COL23A1: variants seen among roughly 807,000 people sequenced by gnomAD.
COL23A1 encodes the protein collagen type XXIII alpha 1 chain.
In COL23A1, 97 loss-of-function variants were observed where a neutral mutation model predicts 99.3. The observed-to-expected ratio is 0.98, with a 90% CI of 0.83 to 1.16. The LOEUF (loss-of-function observed/expected upper bound fraction) is 1.16. COL23A1 is among the 50% of genes most tolerant of loss of function. The pLI is 0.00. For missense variants in COL23A1, 762 were observed against 757.4 expected (o/e 1.01, Z -0.07); for synonymous variants, 320 against 308.2 (o/e 1.04, Z -0.40).
At chr5:178,449,624 G>A (rs909554916) in intron 2 of COL23A1, among the ~76,000 whole-genome samples, 12 of 150,582 alleles carry the variant, frequency 8.0e-5, no homozygotes, top group African/African-American at 1.5e-4. Flanking sequence ...GAACTGTCCC[G>A]GACTAAACAC....
chr5:178,413,060 G>T (rs568183753), intron 2 of COL23A1, among the ~76,000 whole-genome samples: 1 of 151,876 alleles, frequency 6.6e-6, no homozygotes, highest in African/African-American at 2.4e-5. Flanking sequence ...GTGTCTGCCT[G>T]TAGTCTCAGC....
At chr5:178,269,830 T>C (rs2127563158) in intron 6 of COL23A1, among the ~76,000 whole-genome samples, 1 of 152,036 alleles carries the variant, frequency 6.6e-6, no homozygotes, top group Middle Eastern at 3.4e-3. Flanking sequence ...CATCTATATA[T>C]CTACCGACTC....
chr5:178,326,725 A>G (rs886074020), intron 2 of COL23A1, among the ~76,000 whole-genome samples: 4 of 151,744 alleles, frequency 2.6e-5, no homozygotes, highest in African/African-American at 7.3e-5. Flanking sequence ...CTTTTTGTTT[A>G]TTTATTGTTT....
chr5:178,357,347 C>A (rs961073986), intron 2 of COL23A1, among the ~76,000 whole-genome samples: 1 of 152,190 alleles, frequency 6.6e-6, no homozygotes, highest in African/African-American at 2.4e-5. Flanking sequence ...AGTGCCTCTG[C>A]CCCCTGGGGT....
At chr5:178,498,281 T>G (rs1346493250) in intron 2 of COL23A1, among the ~76,000 whole-genome samples, 1 of 104,422 alleles carries the variant, frequency 9.6e-6, no homozygotes, top group African/African-American at 3.3e-5. Flanking sequence ...AATAAAAAAA[T>G]AAAAATAAAA....
chr5:178,392,632 G>A (rs1369892082), intron 2 of COL23A1, among the ~76,000 whole-genome samples: 5 of 152,260 alleles, frequency 3.3e-5, no homozygotes, highest in Admixed American at 1.3e-4. Flanking sequence ...AGGGTCCAGC[G>A]GACAATGGTC....
chr5:178,548,944 C>T (rs2113448043), intron 2 of COL23A1, among the ~76,000 whole-genome samples: 1 of 152,278 alleles, frequency 6.6e-6, no homozygotes, highest in East Asian at 1.9e-4. Flanking sequence ...TGCAGTGCTC[C>T]ATTGTAGAAA....
intron 2 of COL23A1, among the ~76,000 whole-genome samples, chr5:178,514,802 A>G (rs1219798556): frequency 2.0e-5 from 3 of 152,222 alleles, no homozygotes; most frequent in Non-Finnish European, 2.9e-5. Context: ...CAGGCTCAGA[A>G]TCCCAATTCT....
chr5:178,310,214 T>C lies in COL23A1; in HGVS notation c.362-3295A>G, dbSNP rs936041890. Among the ~76,000 whole-genome samples the C allele has an allele frequency of 7.9e-5, 12 of 152,238 alleles. No homozygotes were observed. The Middle Eastern group carries it at 0.01, about 129-fold the overall frequency. On this transcript the variant is annotated intron_variant, in intron 2 of 28. Transcript: ENST00000390654. This position sits in a 1 kb window ranked among gnomAD's most constrained non-coding sequence, Gnocchi z 4.3. The stretch of plus-strand genomic sequence containing the variant: ...TGCTGACTGTGGGCTCCCACTCCAC[T>C]GCTTCCACCAACAGAGAGGCCAGGC...
intron 17 of COL23A1, 97 bp downstream of exon 17, chr5:178,252,447 G>T (rs187926551): frequency 1.7e-6 from 2 of 1,205,226 alleles, no homozygotes; most frequent in Admixed American, 2.4e-5. Context: ...CAGGACACCC[G>T]GAGGGAAGTG....
intron 2 of COL23A1, chr5:178,351,005 T>G (rs2127678134): frequency 6.6e-6 from 1 of 151,774 alleles, no homozygotes; most frequent in South Asian, 2.1e-4. Flanking sequence ...CCAGCGGGGG[T>G]GGTCTCCTGG....
chr5:178,316,177 G>A (rs1490944226), intron 2 of COL23A1, among the ~76,000 whole-genome samples: 6 of 152,068 alleles, frequency 3.9e-5, no homozygotes, highest in African/African-American at 1.2e-4. Flanking sequence ...ATACACGTTC[G>A]TAATTCGATG....
rs529874758 is a variant in COL23A1 at position 178,496,242 on chromosome 5, A to G, written c.361+64440T>C. On this transcript the variant is annotated intron_variant, in intron 2 of 28. Transcript: ENST00000390654. ...TCTCAACTCTCTGGGGAAATGTCTT[A>G]GTATATACACGGTTTAGTTTTTAAT... Among the ~76,000 whole-genome samples, 6 of 152,290 alleles carry G rather than the reference A, an allele frequency of 3.9e-5. No homozygotes were observed. The South Asian group carries it at 1.2e-3, about 32-fold the overall frequency.
At chr5:178,368,911 G>T (rs1762646223) in intron 2 of COL23A1, among the ~76,000 whole-genome samples, 1 of 152,254 alleles carries the variant, frequency 6.6e-6, no homozygotes, top group African/African-American at 2.4e-5. Context: ...CACCCCGAGG[G>T]CTGCTCCTCA....
chr5:178,552,234 G>C (rs1451787159), intron 2 of COL23A1, among the ~76,000 whole-genome samples: 1 of 152,106 alleles, frequency 6.6e-6, no homozygotes, highest in African/African-American at 2.4e-5. Context: ...GTCTGCAATT[G>C]CCTCTAAGAA....
chr5:178,259,639 C>CAA, intron 12 of COL23A1, 82 bp downstream of exon 12: 4 of 657,016 alleles, frequency 6.1e-6, no homozygotes, highest in Non-Finnish European at 1.0e-5. Flanking sequence ...CCATCCCCAT[C>CAA]CCCATTCCGT....
intron 2 of COL23A1, among the ~76,000 whole-genome samples, chr5:178,385,611 C>T (rs747132615): frequency 6.0e-4 from 91 of 152,178 alleles, no homozygotes; most frequent in Non-Finnish European, 1.1e-3. Flanking sequence ...TACTCTCATG[C>T]CCTTCCCCCG....
intron 2 of COL23A1, among the ~76,000 whole-genome samples, chr5:178,355,001 T>G (rs567690097): frequency 2.7e-5 from 4 of 150,294 alleles, no homozygotes; most frequent in South Asian, 2.1e-4. Context: ...GAGGTTGCAG[T>G]GAGTGGAGAT....
chr5:178,429,316 G>A (rs1170429416), intron 2 of COL23A1, among the ~76,000 whole-genome samples: 1 of 152,066 alleles, frequency 6.6e-6, no homozygotes, highest in African/African-American at 2.4e-5. Flanking sequence ...CACACCCCAC[G>A]AGCGAAGGGC....
Sources: gnomAD v4.1 joint callset for allele counts (sites outside exome capture counted in the v4.1 genomes callset) on GRCh38, gnomAD v4.1.1 for gene constraint, Gnocchi (gnomAD v3.1) non-coding constraint, MANE v1.5 for transcripts, NCBI Gene and HGNC (gene_info 2026-07-23, HGNC 2026-07-21) for gene names.